Variants in SLC4A7 observed in about 807,000 individuals in gnomAD.
SLC4A7 encodes sodium bicarbonate cotransporter 3.
SLC4A7 carries 51 observed loss-of-function variants against 137.6 expected under a neutral mutation model. The observed-to-expected ratio is 0.37, with a 90% CI of 0.30 to 0.47. SLC4A7 has a LOEUF of 0.47. Among genes scored for constraint, SLC4A7 ranks in the 20% least tolerant of loss-of-function variants. The pLI is 1.00. For missense variants in SLC4A7, 1,247 were observed against 1,525.4 expected, an observed-to-expected ratio of 0.82 and a Z score of 3.04; for synonymous variants, 542 against 518.6, an observed-to-expected ratio of 1.05 and a Z score of -0.61.
rs554970709 is a variant in SLC4A7 at position 27,447,002 on chromosome 3, C to G, written c.289+1649G>C. ...GGGTTCAAGCAATTCTCTGCCTCAG[C>G]CTCCCAAATAGGTGGGATTACAGGT... is the stretch of plus-strand genomic sequence containing the variant. On this transcript the variant is annotated intron_variant, in intron 3 of 25. Coordinates refer to ENST00000454389, the MANE Select transcript of SLC4A7 (RefSeq NM_001321103.2). 1.3e-4 allele frequency among the ~76,000 whole-genome samples: 19 copies of G among 151,108 alleles called. 1 individual carries two copies. The highest frequency in any genetic ancestry group is 1.1e-3 in the Admixed American group (17 of 15,112).
At chr3:27,472,570 C>G (rs60100960) in intron 1 of SLC4A7, among the ~76,000 whole-genome samples, 23,126 of 152,168 alleles carry the variant, frequency 0.15, 1,910 homozygotes, top group African/African-American at 0.23. Flanking sequence ...CATTTTTCAG[C>G]TGTGATCTGA....
intron 16 of SLC4A7, 31 bp from the exon 17 acceptor site, chr3:27,398,384 G>A (rs922064450): frequency 6.4e-7 from 1 of 1,570,546 alleles, no homozygotes; most frequent in South Asian, 1.2e-5. Context: ...AAAGCAGAAT[G>A]GGGGATTCTT....
chr3:27,479,056 A>G (rs923262374), intron 1 of SLC4A7, among the ~76,000 whole-genome samples: 1 of 152,182 alleles, frequency 6.6e-6, no homozygotes, highest in East Asian at 1.9e-4. Context: ...CTGTATTGGC[A>G]TATCAGCGCC....
intron 8 of SLC4A7, 92 bp from the exon 9 acceptor site, chr3:27,421,871 T>C: frequency 1.2e-6 from 1 of 864,290 alleles, no homozygotes; most frequent in South Asian, 2.0e-5. Flanking sequence ...ATAAGACTAC[T>C]ATTTGCTAAT....
chr3:27,473,571 G>A (rs1223955425), intron 1 of SLC4A7, among the ~76,000 whole-genome samples: 3 of 151,732 alleles, frequency 2.0e-5, no homozygotes, highest in African/African-American at 7.3e-5. Flanking sequence ...AGCCAAGTGT[G>A]GTGGTGCGTG....
rs1459696163 is a variant in SLC4A7 at position 27,431,368 on chromosome 3, A to C, written c.1080T>G (p.Pro360=). The C allele has an allele frequency of 1.2e-6, 2 of 1,613,198 alleles. No homozygotes were observed. The highest frequency in any genetic ancestry group is 8.5e-7 in the Non-Finnish European group (1 of 1,179,572). ...TCAGCGCTGCTTCTAAGTCTTCCTC[A>C]GGCGGATGAATTACTACTGTGGGAA... ...DDIPTVVIHP[P]EEDLEAALKG... The change falls in exon 7 of 26, where the codon CCT becomes CCG. Residue 360 remains proline (P), a synonymous_variant. Coordinates refer to ENST00000454389, the MANE Select transcript of SLC4A7 (RefSeq NM_001321103.2).
intron 1 of SLC4A7, among the ~76,000 whole-genome samples, chr3:27,455,425 G>A (rs1343404058): frequency 6.6e-6 from 1 of 152,152 alleles, no homozygotes; most frequent in Non-Finnish European, 1.5e-5. Context: ...CGGGGAAAAG[G>A]CTTGATGGGA....
chr3:27,438,956 T>C (rs1003524377), intron 3 of SLC4A7, among the ~76,000 whole-genome samples: 1 of 152,204 alleles, frequency 6.6e-6, no homozygotes, highest in East Asian at 1.9e-4. Context: ...AAACTACTTG[T>C]GTAGTATAGG....
intron 20 of SLC4A7, among the ~76,000 whole-genome samples, chr3:27,392,547 T>TA (rs1455004954): frequency 6.6e-6 from 1 of 152,122 alleles, no homozygotes; most frequent in Non-Finnish European, 1.5e-5. Flanking sequence ...AGACGTATTT[T>TA]AAAAAATCTA....
At chr3:27,396,816 A>G (rs2052218617) in intron 18 of SLC4A7, among the ~76,000 whole-genome samples, 4 of 152,164 alleles carry the variant, frequency 2.6e-5, no homozygotes, top group Admixed American at 2.6e-4. Context: ...GAAAACAAAA[A>G]CAGAGCAGAA....
intron 1 of SLC4A7, among the ~76,000 whole-genome samples, chr3:27,471,763 G>A (rs911084194): frequency 1.2e-4 from 18 of 152,148 alleles, no homozygotes; most frequent in Non-Finnish European, 8.8e-5. Flanking sequence ...TGTGGTTCAC[G>A]CTAATTTGTT....
chr3:27,470,964 TAAAAC>T (rs1324648051), intron 1 of SLC4A7, among the ~76,000 whole-genome samples: 4 of 151,808 alleles, frequency 2.6e-5, no homozygotes, highest in Non-Finnish European at 5.9e-5. Flanking sequence ...TAAAATAAAA[TAAAAC>T]AAAACAGCAA....
intron 3 of SLC4A7, among the ~76,000 whole-genome samples, chr3:27,441,520 C>T (rs1477772620): frequency 2.0e-5 from 3 of 152,004 alleles, no homozygotes; most frequent in East Asian, 1.9e-4. Flanking sequence ...TTTTAAGAGA[C>T]GGTATCTGTT....
chr3:27,461,274 T>C (rs904130709), intron 1 of SLC4A7, among the ~76,000 whole-genome samples: 2 of 151,758 alleles, frequency 1.3e-5, no homozygotes, highest in African/African-American at 4.8e-5. Flanking sequence ...GGCTCACACC[T>C]GTAATCCCAG....
Position 27,420,825 on chromosome 3 carries a change from T to C in SLC4A7, c.1425-38A>G, listed in dbSNP as rs751741172. ...GAAAATACAGATTTTAAAATAAACA[T>C]CATACACCCACAAAGCTAGGCAATC... On this transcript the variant is annotated intron_variant, in intron 9 of 25. Transcript: ENST00000454389. 2.2e-6 allele frequency: 3 copies of C among 1,338,770 alleles called. No individual in the cohort carries two copies. The South Asian group carries it at 3.6e-5, about 16-fold the overall frequency. The allele number at this position is 1,338,770 out of a possible 1,614,324, so 82.9% of individuals were successfully genotyped here.
chr3:27,443,024 C>CTTTTTTT lies in SLC4A7; in HGVS notation c.290-5505_290-5499dup, dbSNP rs1156950293. ...CACCGCGCTGGGCATTCTCTTTTTT[C>CTTTTTTT]TTTTTTTCTTTTTTTTTTTTTTTTT... On this transcript the variant is annotated intron_variant, in intron 3 of 25. Transcript: ENST00000454389. Among the ~76,000 whole-genome samples the CTTTTTTT allele has an allele frequency of 7.4e-3, 751 of 101,954 alleles. 30 individuals carry two copies. The highest frequency in any genetic ancestry group is 0.016 in the East Asian group (42 of 2,640). The allele number at this position is 101,954 out of a possible 152,430, so 66.9% of individuals were successfully genotyped here. A position where few individuals can be genotyped will look rare whatever the true frequency, so the allele number is the denominator to read the frequency against.
At chr3:27,451,102 C>T (rs1158624072) in intron 2 of SLC4A7, among the ~76,000 whole-genome samples, 2 of 151,320 alleles carry the variant, frequency 1.3e-5, no homozygotes, top group African/African-American at 2.4e-5. Context: ...TTTTGGAAAC[C>T]CTAACAAGCC....
intron 13 of SLC4A7, among the ~76,000 whole-genome samples, chr3:27,408,672 A>G (rs2053617134): frequency 6.6e-6 from 1 of 152,240 alleles, no homozygotes; most frequent in Admixed American, 6.5e-5. Context: ...ATGCATATCA[A>G]CAACAACAAA....
intron 11 of SLC4A7, among the ~76,000 whole-genome samples, chr3:27,416,542 A>AT (rs1252770426): frequency 6.6e-6 from 1 of 152,156 alleles, no homozygotes; most frequent in Non-Finnish European, 1.5e-5. Flanking sequence ...ATTAATCTTA[A>AT]TTTTTTGATA....
Sources: gnomAD v4.1 joint callset for allele counts (sites outside exome capture counted in the v4.1 genomes callset) on GRCh38, gnomAD v4.1.1 for gene constraint, MANE v1.5 for transcripts, NCBI Gene and HGNC (gene_info 2026-07-23, HGNC 2026-07-21) for gene names.